Variants in LRP8 observed in about 807,000 individuals in gnomAD.
The protein encoded by LRP8 is LDL receptor related protein 8.
Under a neutral mutation model 111.6 loss-of-function variants are expected in LRP8, and 46 were observed. That is an observed-to-expected ratio of 0.41 (90% CI 0.33 to 0.53). The LOEUF (loss-of-function observed/expected upper bound fraction) is 0.53, where lower values mean the gene tolerates loss of function less well. LRP8 is among the 20% of genes least tolerant of loss of function. LRP8 has a pLI of 0.20. For missense variants in LRP8, 959 were observed against 1,297.4 expected (o/e 0.74, Z 4.01); for synonymous variants, 464 against 511.2 (o/e 0.91, Z 1.24).
Position 53,277,082 on chromosome 1 carries a change from C to T in LRP8, c.497-4G>A. 6.7e-7 allele frequency: 1 copy of T among 1,500,740 alleles called. No homozygotes were observed. Among genetic ancestry groups the T allele is most frequent in the Non-Finnish European group, 8.9e-7 (1 of 1,129,764 alleles). 93.0% of individuals were successfully genotyped at this position (1,500,740 alleles called of 1,614,324 possible). On this transcript the variant is annotated splice_region_variant and splice_polypyrimidine_tract_variant and intron_variant, in intron 4 of 18. Transcript: ENST00000306052. Reference sequence around the variant, plus strand: ...TGGAACTCGTGCGGGGCGCACACTGCGCGGGACAGAGAGCCGGTCGGCCCG... The same window carrying T: ...TGGAACTCGTGCGGGGCGCACACTGTGCGGGACAGAGAGCCGGTCGGCCCG...
chr1:53,296,990 C>A (rs115963279), intron 2 of LRP8, among the ~76,000 whole-genome samples: 2 of 152,136 alleles, frequency 1.3e-5, no homozygotes, highest in Non-Finnish European at 1.5e-5. Context: ...CAGAGCCCAT[C>A]GCCAGCAGAT....
In LRP8 at chr1:53,244,167, T is replaced by C. The variant is rs946495547; in HGVS notation, c.*2851A>G. ...TCGTTTTCTCTGTTTCTAGAAGGCA[T>C]TTCAGTTAGTGCCTTTGTAATTCCA... On this transcript the variant is annotated 3_prime_UTR_variant, in exon 19 of 19. Transcript: ENST00000306052. The C allele has an allele frequency of 6.6e-6, 1 of 152,272 alleles. No individual in the cohort carries two copies. The highest frequency in any genetic ancestry group is 2.4e-5 in the African/African-American group (1 of 41,478). 9.4% of individuals were successfully genotyped at this position (152,272 alleles called of 1,614,324 possible).
In LRP8 at chr1:53,264,383, T is replaced by C; in HGVS notation, c.1441A>G (p.Lys481Glu). 6.2e-7 allele frequency: 1 copy of C among 1,613,726 alleles called. No homozygotes were observed. The highest frequency in any genetic ancestry group is 1.1e-5 in the South Asian group (1 of 90,972). The change falls in exon 10 of 19, where the codon AAG (lysine) becomes GAG (glutamate). Residue 481 changes from lysine (K) to glutamate (E), a missense_variant. Transcript: ENST00000306052. Reference sequence around the variant, plus strand: ...TCCTGCTCTTTCGGGTCACTGGCCTTGTCCATGTAGGCGCTTAAGAGAAAA... The same window carrying C: ...TCCTGCTCTTTCGGGTCACTGGCCTCGTCCATGTAGGCGCTTAAGAGAAAA... ...YRKIYSAYMD[K>E]ASDPKEQEVL...
At chr1:53,280,326 G>A (rs1426525139) in intron 4 of LRP8, among the ~76,000 whole-genome samples, 2 of 152,204 alleles carry the variant, frequency 1.3e-5, no homozygotes, top group Non-Finnish European at 2.9e-5. Flanking sequence ...TCAGCCTTGG[G>A]TACTTTTCCT....
rs991182293 is a variant in LRP8 at position 53,266,737 on chromosome 1, C to T, written c.1253-90G>A. On this transcript the variant is annotated intron_variant, in intron 8 of 18. Transcript: ENST00000306052. This position sits in a 1 kb window ranked among gnomAD's most constrained non-coding sequence, Gnocchi z 5.0. ...ACTCTGCCACTGGCTTGCTGGCTGACACATCCATTTTCCTTAAAATAGTAG... is the reference window on the plus strand; with the variant it reads ...ACTCTGCCACTGGCTTGCTGGCTGATACATCCATTTTCCTTAAAATAGTAG... 8.4e-7 allele frequency: 1 copy of T among 1,189,686 alleles called. No individual in the cohort carries two copies. The allele number at this position is 1,189,686 out of a possible 1,614,324, so 73.7% of individuals were successfully genotyped here. A position where few individuals can be genotyped will look rare whatever the true frequency, so the allele number is the denominator to read the frequency against.
intron 10 of LRP8, among the ~76,000 whole-genome samples, chr1:53,263,738 T>C (rs1281256789): frequency 6.6e-6 from 1 of 152,118 alleles, no homozygotes; most frequent in Non-Finnish European, 1.5e-5. Context: ...TGCAGGGAGA[T>C]AGATTTGGCA....
Position 53,275,694 on chromosome 1 carries a change from T to C in LRP8, c.943A>G (p.Ile315Val). 4 of 1,614,046 alleles carry C rather than the reference T, an allele frequency of 2.5e-6. No individual in the cohort carries two copies. The highest frequency in any genetic ancestry group is 3.4e-6 in the Non-Finnish European group (4 of 1,179,974). ...TCCTGCTCCTGGTTGCAGTGCTTGA[T>C]TGCAAGGACACATGTCCCATCCCCA... ...QCGDGTCVLA[I>V]KHCNQEQDCP... The change falls in exon 6 of 19, where the codon ATC becomes GTC. Residue 315 changes from isoleucine (I) to valine (V), a missense_variant. Transcript: ENST00000306052. This position sits in a 1 kb window ranked among gnomAD's most constrained non-coding sequence, Gnocchi z 4.4.
Position 53,266,760 on chromosome 1 carries a change from T to A in LRP8, c.1253-113A>T. On this transcript the variant is annotated intron_variant, in intron 8 of 18. Transcript: ENST00000306052. The surrounding 1 kb of genome is among the most constrained non-coding windows in gnomAD (Gnocchi z 5.0). ...GACACATCCATTTTCCTTAAAATAG[T>A]AGTGACAATTCCTACTTTACAGGTT... is the stretch of plus-strand genomic sequence containing the variant. The A allele has an allele frequency of 2.2e-6, 2 of 896,516 alleles. No homozygotes were observed. Among genetic ancestry groups the A allele is most frequent in the Non-Finnish European group, 3.6e-6 (2 of 562,806 alleles). The allele number at this position is 896,516 out of a possible 1,614,324, so 55.5% of individuals were successfully genotyped here.
intron 3 of LRP8, among the ~76,000 whole-genome samples, chr1:53,281,103 A>C (rs1271713865): frequency 6.6e-6 from 1 of 152,100 alleles, no homozygotes; most frequent in Non-Finnish European, 1.5e-5. Flanking sequence ...CCCTTAGGTG[A>C]GATATGCCCC....
intron 6 of LRP8, among the ~76,000 whole-genome samples, chr1:53,273,912 TCCTC>T (rs1333587680): frequency 6.6e-6 from 1 of 152,008 alleles, no homozygotes; most frequent in African/African-American, 2.4e-5. Context: ...CTAGCCTCTG[TCCTC>T]CCAGGGCTTC....
intron 12 of LRP8, among the ~76,000 whole-genome samples, chr1:53,261,554 C>G (rs1275017542): frequency 6.6e-6 from 1 of 152,198 alleles, no homozygotes; most frequent in Non-Finnish European, 1.5e-5. Context: ...TCATTAGGGT[C>G]AGGGCACAGG....
At chr1:53,304,331 G>C (rs753405113) in intron 2 of LRP8, among the ~76,000 whole-genome samples, 14 of 152,188 alleles carry the variant, frequency 9.2e-5, no homozygotes, top group Non-Finnish European at 1.8e-4. Flanking sequence ...GCCAAAGTGG[G>C]GGAGGAAAGG....
At chr1:53,289,395 G>A (rs1349006290) in intron 3 of LRP8, 172 bp downstream of exon 3, 2 of 897,214 alleles carry the variant, frequency 2.2e-6, no homozygotes, top group African/African-American at 3.4e-5. Context: ...AGAAAGTCCA[G>A]AAACAGGTCA....
At chr1:53,297,128 C>T (rs1006456486) in intron 2 of LRP8, among the ~76,000 whole-genome samples, 12 of 152,234 alleles carry the variant, frequency 7.9e-5, no homozygotes, top group Admixed American at 1.3e-4. Context: ...TTAAAGATCC[C>T]GTGGGTCCAT....
chr1:53,276,618 G>A, intron 5 of LRP8, 74 bp downstream of exon 5: 2 of 1,254,634 alleles, frequency 1.6e-6, no homozygotes, highest in South Asian at 1.4e-5. Context: ...AAGGAAGCCT[G>A]CACCTGGCGG....
intron 6 of LRP8, chr1:53,272,603 C>G (rs889674247): frequency 7.8e-7 from 1 of 1,290,034 alleles, no homozygotes; most frequent in Admixed American, 2.3e-5. Context: ...AACCCCTTTA[C>G]CCCTGGGCCT....
chr1:53,323,661 C>T (rs1000063384), intron 2 of LRP8, among the ~76,000 whole-genome samples: 3 of 152,222 alleles, frequency 2.0e-5, no homozygotes, highest in Non-Finnish European at 4.4e-5. Context: ...TCTTCCATCC[C>T]GCAAGCTCCA....
intron 2 of LRP8, among the ~76,000 whole-genome samples, chr1:53,304,052 G>A (rs557284964): frequency 8.5e-5 from 13 of 152,234 alleles, no homozygotes; most frequent in African/African-American, 2.4e-4. Flanking sequence ...GATAGGTTTC[G>A]GTGGGAAAAA....
At chr1:53,265,642 GA>G (rs1181181128) in intron 9 of LRP8, among the ~76,000 whole-genome samples, 2 of 152,198 alleles carry the variant, frequency 1.3e-5, no homozygotes, top group African/African-American at 2.4e-5. Flanking sequence ...TGTGTGAACG[GA>G]GTGTCTGTAT....
Sources: gnomAD v4.1 joint callset for allele counts (sites outside exome capture counted in the v4.1 genomes callset) on GRCh38, gnomAD v4.1.1 for gene constraint, Gnocchi (gnomAD v3.1) non-coding constraint, MANE v1.5 for transcripts, NCBI Gene and HGNC (gene_info 2026-07-23, HGNC 2026-07-21) for gene names.